The following PHF20 variants were observed in gnomAD, a reference collection of about 807,000 sequenced individuals.
The protein encoded by PHF20 is PHD finger protein 20.
PHF20 carries 23 observed loss-of-function variants against 113.5 expected under a neutral mutation model. The ratio of observed to expected loss-of-function variants is 0.20; its 90% CI spans 0.15 to 0.29. PHF20 has a LOEUF of 0.29. PHF20 is among the 10% of genes least tolerant of loss of function. PHF20 has a pLI of 1.00. For synonymous variants in PHF20, 434 were observed against 457.3 expected (o/e 0.95, Z 0.65); for missense variants, 943 against 1,219.6 (o/e 0.77, Z 3.38).
chr20:35,880,646 TTTA>T (rs2054611726), intron 9 of PHF20, among the ~76,000 whole-genome samples: 1 of 152,212 alleles, frequency 6.6e-6, no homozygotes, highest in Non-Finnish European at 1.5e-5. Flanking sequence ...CCATATTTAC[TTTA>T]TTATTCTACT....
rs971975145 is a variant in PHF20 at position 35,883,027 on chromosome 20, CAAAAAAAA to C, written c.1282+11207_1282+11214del. 7.9e-5 allele frequency among the ~76,000 whole-genome samples: 5 copies of C among 63,490 alleles called. No homozygotes were observed. The South Asian group carries it at 2.0e-3, about 25-fold the overall frequency. The allele number at this position is 63,490 out of a possible 152,430, so 41.7% of individuals were successfully genotyped here. A position where few individuals can be genotyped will look rare whatever the true frequency, so the allele number is the denominator to read the frequency against. ...TGGGTGACAGAACGACACTCTGTCT[CAAAAAAAA>C]AAAAAAAAGAAAAAAGAAAAAGAAT... is the stretch of plus-strand genomic sequence containing the variant. On this transcript the variant is annotated intron_variant, in intron 9 of 17. Transcript: ENST00000374012.
At chr20:35,789,557 C>CT (rs2041496382) in intron 1 of PHF20, among the ~76,000 whole-genome samples, 2 of 150,892 alleles carry the variant, frequency 1.3e-5, no homozygotes, top group South Asian at 4.2e-4. Context: ...TTTTCTTTTT[C>CT]TTTTTTTGTG....
intron 1 of PHF20, among the ~76,000 whole-genome samples, chr20:35,789,603 G>A (rs1354531566): frequency 6.6e-6 from 1 of 151,938 alleles, no homozygotes; most frequent in African/African-American, 2.4e-5. Flanking sequence ...CTGGAGTGCA[G>A]TGGCGGGATC....
At chr20:35,781,957 A>T (rs1005310432) in intron 1 of PHF20, among the ~76,000 whole-genome samples, 2 of 151,216 alleles carry the variant, frequency 1.3e-5, no homozygotes, top group African/African-American at 2.5e-5. Context: ...CAAAAAAAAA[A>T]AAAATTATAA....
At chr20:35,807,179 A>C (rs1281656253) in intron 2 of PHF20, among the ~76,000 whole-genome samples, 1 of 152,034 alleles carries the variant, frequency 6.6e-6, no homozygotes, top group Non-Finnish European at 1.5e-5. Context: ...AATTGTATTT[A>C]ATTGGTATCT....
chr20:35,908,997 T>C (rs1382314273), intron 10 of PHF20, among the ~76,000 whole-genome samples: 1 of 152,154 alleles, frequency 6.6e-6, no homozygotes, highest in South Asian at 2.1e-4. Context: ...ATTTCTTCCA[T>C]TTCAATCTGT....
intron 3 of PHF20, among the ~76,000 whole-genome samples, chr20:35,844,176 C>A (rs2042579189): frequency 6.6e-6 from 1 of 152,004 alleles, no homozygotes; most frequent in South Asian, 2.1e-4. Flanking sequence ...GATCTCACCT[C>A]ACTGCAACCT....
chr20:35,837,799 G>C (rs1456633601), intron 2 of PHF20, among the ~76,000 whole-genome samples: 12 of 152,192 alleles, frequency 7.9e-5, no homozygotes, highest in Non-Finnish European at 1.8e-4. Flanking sequence ...AAGCTAAGCT[G>C]TCGCCAAGGC....
At chr20:35,822,341 T>G (rs1436335688) in intron 2 of PHF20, among the ~76,000 whole-genome samples, 1 of 150,656 alleles carries the variant, frequency 6.6e-6, no homozygotes, top group East Asian at 2.0e-4. Flanking sequence ...TCACTTGAGC[T>G]AGGGAGGTCA....
chr20:35,940,226 T>C (rs6119680), intron 16 of PHF20, among the ~76,000 whole-genome samples: 1,704 of 152,276 alleles, frequency 0.011, 24 homozygotes, highest in African/African-American at 0.038. Flanking sequence ...TAGAAAAGGT[T>C]TGTGGTCCTG....
chr20:35,881,426 A>C (rs1399047765), intron 9 of PHF20, among the ~76,000 whole-genome samples: 2 of 151,660 alleles, frequency 1.3e-5, no homozygotes, highest in African/African-American at 4.8e-5. Flanking sequence ...CTGTAATCCC[A>C]GCTACTTGGG....
At chr20:35,778,886 C>T (rs931290764) in intron 1 of PHF20, among the ~76,000 whole-genome samples, 1 of 152,092 alleles carries the variant, frequency 6.6e-6, no homozygotes, top group African/African-American at 2.4e-5. Flanking sequence ...GGCAGAAATC[C>T]TGTACAATTT....
chr20:35,795,831 G>C (rs1181026414), intron 1 of PHF20, among the ~76,000 whole-genome samples: 3 of 151,946 alleles, frequency 2.0e-5, no homozygotes, highest in Non-Finnish European at 4.4e-5. Context: ...GATTAAATTG[G>C]TTAATATATG....
At chr20:35,862,666 C>T (rs1317341886) in intron 5 of PHF20, among the ~76,000 whole-genome samples, 1 of 151,774 alleles carries the variant, frequency 6.6e-6, no homozygotes, top group African/African-American at 2.4e-5. Flanking sequence ...CCTGGGAGGT[C>T]GAGGCTGCAT....
intron 17 of PHF20, 53 bp from the exon 18 acceptor site, chr20:35,947,432 G>A: frequency 6.3e-7 from 1 of 1,581,440 alleles, no homozygotes; most frequent in Non-Finnish European, 8.7e-7. Flanking sequence ...TGATGTTCTT[G>A]CAAATCAAGT....
intron 10 of PHF20, among the ~76,000 whole-genome samples, chr20:35,901,413 TA>T (rs34044539): frequency 0.21 from 21,239 of 102,976 alleles, 1,691 homozygotes; most frequent in South Asian, 0.39. Context: ...AAACTCTGTC[TA>T]AAAAAAAAAA....
intron 2 of PHF20, among the ~76,000 whole-genome samples, chr20:35,840,754 A>G (rs1474663772): frequency 1.3e-5 from 2 of 152,174 alleles, no homozygotes; most frequent in African/African-American, 4.8e-5. Flanking sequence ...GGATACCTTG[A>G]TGATTTACAT....
At chr20:35,837,842 G>A (rs1011765132) in intron 2 of PHF20, among the ~76,000 whole-genome samples, 1 of 152,268 alleles carries the variant, frequency 6.6e-6, no homozygotes, top group East Asian at 1.9e-4. Context: ...ATCTTACCAG[G>A]TTGATCTCTA....
intron 14 of PHF20, among the ~76,000 whole-genome samples, chr20:35,929,734 A>G (rs571468635): frequency 1.5e-4 from 23 of 152,360 alleles, no homozygotes; most frequent in African/African-American, 5.3e-4. Flanking sequence ...TACGACTTTA[A>G]TCGCCAATAC....
Sources: gnomAD v4.1 joint callset for allele counts (sites outside exome capture counted in the v4.1 genomes callset) on GRCh38, gnomAD v4.1.1 for gene constraint, MANE v1.5 for transcripts, NCBI Gene and HGNC (gene_info 2026-07-23, HGNC 2026-07-21) for gene names.